Variants in HK1 observed in about 807,000 individuals in gnomAD.
The protein encoded by HK1 is hexokinase 1.
In HK1, 28 loss-of-function variants were observed where a neutral mutation model predicts 91.6. The observed-to-expected ratio is 0.31, with a 90% confidence interval of 0.23 to 0.42. The LOEUF (loss-of-function observed/expected upper bound fraction) is 0.42, where lower values mean the gene tolerates loss of function less well. HK1 is among the 10% of genes least tolerant of loss of function. HK1 has a pLI of 1.00. For synonymous variants in HK1, 430 were observed against 468.1 expected, an observed-to-expected ratio of 0.92 and a Z score of 1.05; for missense variants, 770 against 1,219.8, an observed-to-expected ratio of 0.63 and a Z score of 5.49.
At position 69,371,316 on chromosome 10, in the gene HK1, A is replaced by ACC. The variant is rs59530954; in HGVS notation, c.875+1700_875+1701dup. 7.7e-3 allele frequency among the ~76,000 whole-genome samples: 1,014 copies of ACC among 131,194 alleles called. 16 individuals carry two copies. Among genetic ancestry groups the ACC allele is most frequent in the African/African-American group, 0.026 (914 of 34,660 alleles). The allele number at this position is 131,194 out of a possible 152,430, so 86.1% of individuals were successfully genotyped here. ...CTGACAGTCAAAGGTTTTTTACCAT[A>ACC]CCCCCCCCCACCCCGCCCAATCCAT... On this transcript the variant is annotated intron_variant, in intron 7 of 17. Transcript: ENST00000359426.
At chr10:69,383,637 T>G (rs1010396128) in intron 10 of HK1, among the ~76,000 whole-genome samples, 1 of 152,280 alleles carries the variant, frequency 6.6e-6, no homozygotes, top group African/African-American at 2.4e-5. Context: ...GCCTCATTCC[T>G]GCATCTGCAG....
chr10:69,313,937 G>C (rs1846510516), upstream of HK1, among the ~76,000 whole-genome samples: 1 of 152,178 alleles, frequency 6.6e-6, no homozygotes, highest in Admixed American at 6.5e-5. Context: ...TAATATTGGA[G>C]GTCAGGACTT....
rs562012694 is a variant in HK1, at chr10:69,351,588, G to A, written c.226+7599G>A. On this transcript the variant is annotated intron_variant, in intron 2 of 17. Coordinates refer to ENST00000359426, the MANE Select transcript of HK1 (RefSeq NM_000188.3). ...GAATCATGGAAGTTGAAGAGCCCCA[G>A]AAAAGAAGTGTAGCCATTCCTGATG... Among the ~76,000 whole-genome samples, 375 of 152,302 alleles carry A rather than the reference G, an allele frequency of 2.5e-3. 3 individuals are homozygous for A. Among genetic ancestry groups the A allele is most frequent in the Admixed American group, 6.5e-4 (10 of 15,288 alleles).
chr10:69,284,978 G>A (rs546082142), intron 2 of HK1, among the ~76,000 whole-genome samples: 27 of 151,848 alleles, frequency 1.8e-4, no homozygotes, highest in Admixed American at 1.5e-3. Context: ...CACCACGCCC[G>A]GCTAATTTTT....
chr10:69,300,650 T>G (rs749715930), intron 4 of HK1: 11 of 761,588 alleles, frequency 1.4e-5, no homozygotes, highest in Non-Finnish European at 2.4e-5. Flanking sequence ...TTTGCCTAGC[T>G]CTGTGATCAT....
chr10:69,332,385 T>TTTC (rs1589497802), intron 1 of HK1, among the ~76,000 whole-genome samples: 7 of 133,416 alleles, frequency 5.2e-5, no homozygotes, highest in African/African-American at 1.3e-4. Context: ...TTCTTTCTTT[T>TTTC]TTTCTTTTTT....
At chr10:69,332,630 G>C (rs1354861870) in intron 1 of HK1, among the ~76,000 whole-genome samples, 1 of 152,078 alleles carries the variant, frequency 6.6e-6, no homozygotes, top group Non-Finnish European at 1.5e-5. Flanking sequence ...ACCCACCTCA[G>C]CCTCCCAAAG....
chr10:69,360,122 C>T, intron 3 of HK1, 77 bp downstream of exon 3: 4 of 1,371,122 alleles, frequency 2.9e-6, no homozygotes, highest in East Asian at 2.3e-5. Flanking sequence ...GGCCTCAAAG[C>T]ACTGGCATCC....
chr10:69,312,240 T>C (rs1231258856), upstream of HK1, among the ~76,000 whole-genome samples: 3 of 152,198 alleles, frequency 2.0e-5, no homozygotes, highest in African/African-American at 7.2e-5. Flanking sequence ...GAAGCTTATA[T>C]AGCCTTTTAT....
chr10:69,389,212 G>T lies in HK1; in HGVS notation c.1951G>T (p.Val651Leu). 6.2e-7 allele frequency: 1 copy of T among 1,613,950 alleles called. No individual in the cohort carries two copies. ...CTTTGCAAAGGAATTTGACCTGGAC[G>T]TGGTGGCTGTGGTCAACGACACAGT... is the stretch of plus-strand genomic sequence containing the variant. ...IKRREEFDLD[V>L]VAVVNDTVGT... Residue 651 changes from valine to leucine, a missense_variant, in exon 14 of 18, where the codon GTG becomes TTG. Val to Leu is a conservative substitution (Grantham distance 32). Transcript: ENST00000359426.
chr10:69,382,462 G>A, intron 9 of HK1, 25 bp from the exon 10 acceptor site: 1 of 1,613,318 alleles, frequency 6.2e-7, no homozygotes, highest in Non-Finnish European at 8.5e-7. Flanking sequence ...CAGCTGTTGT[G>A]GAATGTCCCC....
intron 1 of HK1, among the ~76,000 whole-genome samples, chr10:69,326,390 G>T (rs1283020250): frequency 1.3e-5 from 2 of 152,130 alleles, no homozygotes; most frequent in East Asian, 1.9e-4. Context: ...CCTGCTGCCT[G>T]CCTTGTGTGT....
intron 3 of HK1, among the ~76,000 whole-genome samples, chr10:69,363,167 C>T (rs1368682070): frequency 6.6e-6 from 1 of 152,142 alleles, no homozygotes; most frequent in African/African-American, 2.4e-5. Flanking sequence ...TTCCAAAAAG[C>T]TCCATGGCTG....
intron 4 of HK1, among the ~76,000 whole-genome samples, chr10:69,298,991 G>A (rs1845710740): frequency 6.6e-6 from 1 of 151,800 alleles, no homozygotes; most frequent in Non-Finnish European, 1.5e-5. Context: ...CCAGGCTGGA[G>A]TGCAGTGGCA....
At chr10:69,370,322 A>C (rs1030730403) in intron 7 of HK1, among the ~76,000 whole-genome samples, 8 of 150,558 alleles carry the variant, frequency 5.3e-5, no homozygotes, top group African/African-American at 2.0e-4. Context: ...GGAGCTCAGT[A>C]GCCCCTGAAA....
intron 3 of HK1, among the ~76,000 whole-genome samples, chr10:69,364,432 A>G (rs1849592194): frequency 6.6e-6 from 1 of 151,888 alleles, no homozygotes; most frequent in Admixed American, 6.6e-5. Flanking sequence ...GCTGGTGGAG[A>G]TCCGTGACCT....
At chr10:69,392,380 C>T (rs761231719) in intron 15 of HK1, 72 bp downstream of exon 15, 1 of 1,507,254 alleles carries the variant, frequency 6.6e-7, no homozygotes, top group Middle Eastern at 1.7e-4. Context: ...CTGCCACTTG[C>T]AGTGGAAGAA....
intron 13 of HK1, among the ~76,000 whole-genome samples, chr10:69,387,681 G>A (rs1839705449): frequency 6.6e-6 from 1 of 152,042 alleles, no homozygotes; most frequent in African/African-American, 2.4e-5. Context: ...ACCACACCAA[G>A]CCACTTTCCA....
At chr10:69,310,357 G>T (rs1303968080) in intron 5 of HK1, among the ~76,000 whole-genome samples, 1 of 148,924 alleles carries the variant, frequency 6.7e-6, no homozygotes, top group African/African-American at 2.5e-5. Context: ...TCAGGCAGAG[G>T]TTGCAGTGAG....
Sources: gnomAD v4.1 joint callset for allele counts (sites outside exome capture counted in the v4.1 genomes callset) on GRCh38, gnomAD v4.1.1 for gene constraint, MANE v1.5 for transcripts, NCBI Gene and HGNC (gene_info 2026-07-23, HGNC 2026-07-21) for gene names.